Variants in ARIH2 observed in about 807,000 individuals in gnomAD.
ARIH2 encodes the protein E3 ubiquitin-protein ligase ARIH2.
A neutral mutation model predicts 79.8 loss-of-function variants in ARIH2; 12 were observed. That is an observed-to-expected ratio of 0.15 (90% CI 0.10 to 0.24). ARIH2 has a LOEUF of 0.24. Among genes scored for constraint, ARIH2 ranks in the 10% least tolerant of loss-of-function variants. ARIH2 has a pLI of 1.00. For synonymous variants in ARIH2, 224 were observed against 213.9 expected, an observed-to-expected ratio of 1.05 and a Z score of -0.41; for missense variants, 301 against 618.3, an observed-to-expected ratio of 0.49 and a Z score of 5.44.
intron 6 of ARIH2, chr3:48,968,027 T>TTTTG (rs987218535): frequency 5.2e-5 from 8 of 154,052 alleles, no homozygotes; most frequent in Admixed American, 1.3e-4. Context: ...TTTGTTTTTT[T>TTTTG]TTTGTTTGTT....
intron 11 of ARIH2, among the ~76,000 whole-genome samples, chr3:48,976,573 G>A (rs2107660618): frequency 6.6e-6 from 1 of 152,296 alleles, no homozygotes; most frequent in East Asian, 1.9e-4. Flanking sequence ...TGACTCTGCA[G>A]TGCCAAACGA....
chr3:48,962,006 C>T (rs2091316099), intron 4 of ARIH2, among the ~76,000 whole-genome samples: 1 of 152,172 alleles, frequency 6.6e-6, no homozygotes, highest in South Asian at 2.1e-4. Flanking sequence ...AGGTAACACG[C>T]GCCAACATCT....
intron 2 of ARIH2, chr3:48,927,016 G>A (rs981325092): frequency 1.3e-5 from 2 of 155,356 alleles, no homozygotes; most frequent in African/African-American, 4.8e-5. Context: ...TATTACAGCA[G>A]GAAGTGTTCC....
intron 5 of ARIH2, among the ~76,000 whole-genome samples, chr3:48,965,773 C>T (rs1002356691): frequency 6.6e-6 from 1 of 152,110 alleles, no homozygotes; most frequent in Non-Finnish European, 1.5e-5. Flanking sequence ...CCAGCCTGGC[C>T]AACATGGTGA....
At chr3:48,977,544 G>A (rs534946320) in intron 11 of ARIH2, among the ~76,000 whole-genome samples, 36 of 151,908 alleles carry the variant, frequency 2.4e-4, no homozygotes, top group Non-Finnish European at 4.3e-4. Flanking sequence ...TGCAACCTCC[G>A]CCTCCTGGGT....
At chr3:48,927,295 T>G in intron 2 of ARIH2, 167 bp from the exon 3 acceptor site, 1 of 418,980 alleles carries the variant, frequency 2.4e-6, no homozygotes, top group African/African-American at 2.0e-5. Context: ...TTCCCTTTTA[T>G]AAGCCTGGGC....
chr3:48,927,116 T>C (rs1185071548), intron 2 of ARIH2: 2 of 183,232 alleles, frequency 1.1e-5, no homozygotes, highest in Admixed American at 1.1e-4. Flanking sequence ...GCCTCCCCTC[T>C]GGGCTGCCAG....
At chr3:48,936,734 A>C (rs1368632451) in intron 3 of ARIH2, among the ~76,000 whole-genome samples, 1 of 151,556 alleles carries the variant, frequency 6.6e-6, no homozygotes, top group Admixed American at 6.6e-5. Context: ...CTCTGTCTCA[A>C]AAAAACAAAA....
At chr3:48,937,371 G>A (rs1019101960) in intron 3 of ARIH2, among the ~76,000 whole-genome samples, 1 of 152,022 alleles carries the variant, frequency 6.6e-6, no homozygotes, top group African/African-American at 2.4e-5. Flanking sequence ...CCACCAACCC[G>A]GAAATAGAGG....
chr3:48,966,742 A>G (rs1167148934), intron 5 of ARIH2, among the ~76,000 whole-genome samples: 2 of 152,230 alleles, frequency 1.3e-5, no homozygotes, highest in Non-Finnish European at 2.9e-5. Context: ...TGCTGTGCTT[A>G]ACAGGGGTAG....
intron 1 of ARIH2, among the ~76,000 whole-genome samples, chr3:48,921,815 G>GA (rs2084871105): frequency 1.3e-5 from 2 of 150,522 alleles, no homozygotes; most frequent in South Asian, 4.2e-4. Flanking sequence ...GTAGTGGCGT[G>GA]ATCTTGGCTC....
In ARIH2 at chr3:48,938,913, C is replaced by CAAA. The variant is rs1158929356; in HGVS notation, c.255+11124_255+11126dup. Among the ~76,000 whole-genome samples the CAAA allele has an allele frequency of 1.1e-3, 62 of 54,414 alleles. 1 individual carries two copies. The highest frequency in any genetic ancestry group is 3.6e-3 in the African/African-American group (49 of 13,792). The allele number at this position is 54,414 out of a possible 152,430, so 35.7% of individuals were successfully genotyped here. A position where few individuals can be genotyped will look rare whatever the true frequency, so the allele number is the denominator to read the frequency against. ...CCCTGTCCCCACTGGGTCTTTAGAC[C>CAAA]AAAAAAAAAAAAAAAAAAAAAAAAA... On this transcript the variant is annotated intron_variant, in intron 3 of 15. Coordinates refer to ENST00000356401, the MANE Select transcript of ARIH2 (RefSeq NM_006321.4).
chr3:48,949,470 A>G (rs1158028750), intron 3 of ARIH2, among the ~76,000 whole-genome samples: 1 of 152,194 alleles, frequency 6.6e-6, no homozygotes. Flanking sequence ...CATTCCCACT[A>G]GCATTATGTA....
At chr3:48,980,574 T>C in intron 13 of ARIH2, 78 bp downstream of exon 13, 2 of 1,527,474 alleles carry the variant, frequency 1.3e-6, no homozygotes, top group Non-Finnish European at 1.8e-6. Flanking sequence ...AGTGGGAAGC[T>C]CTGTTGAAAG....
intron 11 of ARIH2, among the ~76,000 whole-genome samples, chr3:48,978,483 A>ATATATATAT (rs1288556209): frequency 2.5e-5 from 1 of 40,460 alleles, no homozygotes; most frequent in African/African-American, 5.8e-5. Context: ...ATATATATAT[A>ATATATATAT]TTTTTTTTTT....
rs925027667 is a variant in ARIH2, at chr3:48,967,017, C to G, written c.388-108C>G. The G allele has an allele frequency of 2.5e-6, 3 of 1,217,380 alleles. No homozygotes were observed. The African/African-American group carries it at 4.5e-5, about 18-fold the overall frequency. The allele number at this position is 1,217,380 out of a possible 1,614,324, so 75.4% of individuals were successfully genotyped here. ...CACACATTGCAGTTGAGCTCTGATACTTGTTGCAGGGTGAGGATCACTTTC... is the reference window on the plus strand; with the variant it reads ...CACACATTGCAGTTGAGCTCTGATAGTTGTTGCAGGGTGAGGATCACTTTC... On this transcript the variant is annotated intron_variant, in intron 5 of 15. Coordinates refer to ENST00000356401, the MANE Select transcript of ARIH2 (RefSeq NM_006321.4).
chr3:48,965,408 C>T (rs1312840306), intron 5 of ARIH2, among the ~76,000 whole-genome samples: 1 of 152,092 alleles, frequency 6.6e-6, no homozygotes, highest in East Asian at 1.9e-4. Flanking sequence ...AACATGCCCA[C>T]AATATTTGTT....
At chr3:48,938,100 G>A (rs564384613) in intron 3 of ARIH2, among the ~76,000 whole-genome samples, 18 of 151,806 alleles carry the variant, frequency 1.2e-4, no homozygotes, top group African/African-American at 4.4e-4. Flanking sequence ...TGAGAAATGG[G>A]GTTTCACCAG....
At chr3:48,946,094 A>G (rs913173998) in intron 3 of ARIH2, among the ~76,000 whole-genome samples, 6 of 152,160 alleles carry the variant, frequency 3.9e-5, no homozygotes, top group African/African-American at 1.4e-4. Flanking sequence ...GTAGATTTGC[A>G]TGCTGCTAAC....
Sources: gnomAD v4.1 joint callset for allele counts (sites outside exome capture counted in the v4.1 genomes callset) on GRCh38, gnomAD v4.1.1 for gene constraint, MANE v1.5 for transcripts, NCBI Gene and HGNC (gene_info 2026-07-23, HGNC 2026-07-21) for gene names.